The following OSBPL2 variants were observed in gnomAD, a reference collection of about 807,000 sequenced individuals.
The protein encoded by OSBPL2 is oxysterol-binding protein-related protein 2.
OSBPL2 carries 18 observed loss-of-function variants against 58.4 expected under a neutral mutation model. The observed-to-expected ratio is 0.31, with a 90% CI of 0.21 to 0.46. The LOEUF (loss-of-function observed/expected upper bound fraction) is 0.46, where lower values mean the gene tolerates loss of function less well. OSBPL2 is among the 20% of genes least tolerant of loss of function. The probability of loss-of-function intolerance (pLI) is 1.00; values close to 1 mark genes in which losing one functional copy is unlikely to be tolerated. For synonymous variants in OSBPL2, 221 were observed against 234.1 expected, an observed-to-expected ratio of 0.94 and a Z score of 0.51; for missense variants, 461 against 616.5, an observed-to-expected ratio of 0.75 and a Z score of 2.67.
intron 7 of OSBPL2, among the ~76,000 whole-genome samples, chr20:62,280,643 A>T (rs1170502809): frequency 6.6e-6 from 1 of 152,220 alleles, no homozygotes; most frequent in Non-Finnish European, 1.5e-5. Context: ...GGAAACAAGT[A>T]TGTGGAGTGC....
intron 3 of OSBPL2, 99 bp downstream of exon 3, chr20:62,260,224 G>A: frequency 2.5e-6 from 3 of 1,177,940 alleles, no homozygotes; most frequent in Non-Finnish European, 3.7e-6. Context: ...TTGAGCTGGA[G>A]TGGCACCCCC....
chr20:62,261,176 C>T (rs1006694110), intron 3 of OSBPL2, among the ~76,000 whole-genome samples: 3 of 151,948 alleles, frequency 2.0e-5, no homozygotes, highest in Admixed American at 6.6e-5. Context: ...ATTAGCTGGG[C>T]GTGGCTGTGC....
At position 62,295,840 on chromosome 20, in the gene OSBPL2, G is replaced by A. The variant is rs767019509; in HGVS notation, c.*1953G>A. 1.3e-5 allele frequency: 2 copies of A among 152,078 alleles called. No individual in the cohort carries two copies. The highest frequency in any genetic ancestry group is 2.9e-5 in the Non-Finnish European group (2 of 68,010). The allele number at this position is 152,078 out of a possible 1,614,324, so 9.4% of individuals were successfully genotyped here. On this transcript the variant is annotated 3_prime_UTR_variant, in exon 14 of 14. Transcript: ENST00000313733. The surrounding 1 kb of genome is among the most constrained non-coding windows in gnomAD (Gnocchi z 4.8). ...GTGACTGCATTTAGGGAGGTTTAAC[G>A]AGTTCTTACTGATCATTCCACTTGT...
intron 3 of OSBPL2, among the ~76,000 whole-genome samples, chr20:62,263,287 A>G (rs542544984): frequency 6.6e-6 from 1 of 152,328 alleles, no homozygotes; most frequent in South Asian, 2.1e-4. Context: ...AGGAGCCCCC[A>G]GAAGGCTGTG....
At chr20:62,246,761 C>T (rs1980145623) in intron 1 of OSBPL2, among the ~76,000 whole-genome samples, 1 of 152,208 alleles carries the variant, frequency 6.6e-6, no homozygotes, top group South Asian at 2.1e-4. Flanking sequence ...CATCTCACAC[C>T]AGGTTCTCCC....
At chr20:62,272,302 A>T in intron 5 of OSBPL2, 43 bp downstream of exon 5, 1 of 1,601,696 alleles carries the variant, frequency 6.2e-7, no homozygotes. Flanking sequence ...CATGAAAGTG[A>T]TGCCCCTTGC....
chr20:62,287,322 T>C lies in OSBPL2; in HGVS notation c.1125+611T>C, dbSNP rs188987687. Among the ~76,000 whole-genome samples, 51 of 152,180 alleles carry C rather than the reference T, an allele frequency of 3.4e-4. No homozygotes were observed. The South Asian group carries it at 5.2e-3, about 16-fold the overall frequency. On this transcript the variant is annotated intron_variant, in intron 11 of 13. Coordinates refer to ENST00000313733, the MANE Select transcript of OSBPL2 (RefSeq NM_144498.4). Reference sequence around the variant, plus strand: ...TTGTATATAAAATTTATGCAACTTATGCAATTTTGTACGTCCCATAAACAG... The same window carrying C: ...TTGTATATAAAATTTATGCAACTTACGCAATTTTGTACGTCCCATAAACAG...
chr20:62,243,412 G>A (rs1233691031), intron 1 of OSBPL2, among the ~76,000 whole-genome samples: 3 of 152,042 alleles, frequency 2.0e-5, no homozygotes, highest in African/African-American at 7.2e-5. Context: ...AGAGGTGCCC[G>A]AGGAGCCCTA....
intron 6 of OSBPL2, chr20:62,278,778 TTG>T: frequency 2.8e-5 from 6 of 213,920 alleles, no homozygotes; most frequent in South Asian, 6.4e-5. Flanking sequence ...GATGTCATGT[TTG>T]TGTGTGTGTT....
intron 13 of OSBPL2, among the ~76,000 whole-genome samples, chr20:62,292,087 G>T (rs956284365): frequency 5.3e-5 from 8 of 152,252 alleles, no homozygotes; most frequent in Non-Finnish European, 1.2e-4. Flanking sequence ...CCCGGCTGGG[G>T]GTGGCCTGTG....
intron 1 of OSBPL2, among the ~76,000 whole-genome samples, chr20:62,246,494 G>A (rs944883): frequency 0.44 from 67,006 of 152,070 alleles, 14,901 homozygotes; most frequent in African/African-American, 0.49. Context: ...GTGGCCAGCT[G>A]GGTGTCAGTG....
In OSBPL2 at chr20:62,263,682, T is replaced by G. The variant is rs1981466253; in HGVS notation, c.249T>G (p.Cys83Trp). 1 of 1,614,042 alleles carries G rather than the reference T, an allele frequency of 6.2e-7. No homozygotes were observed. ...GCGTGTGGACCATCCTGAAGAAGTG[T>G]GTTGGCCTGGTGAGTCCGGGGGCCC... is the stretch of plus-strand genomic sequence containing the variant. ...DFSVWTILKK[C>W]VGLELSKITM... The change falls in exon 4 of 14, where the codon TGT becomes TGG. Residue 83 changes from cysteine to tryptophan, a missense_variant. This residue lies in a region of OSBPL2 where 38 missense variants were observed against 74.2 expected (regional missense o/e 0.51). Coordinates refer to ENST00000313733, the MANE Select transcript of OSBPL2 (RefSeq NM_144498.4).
chr20:62,286,468 A>C (rs1295093815), intron 10 of OSBPL2, 115 bp from the exon 11 acceptor site: 3 of 1,181,586 alleles, frequency 2.5e-6, no homozygotes, highest in Non-Finnish European at 3.6e-6. Context: ...AAAAAGGAGA[A>C]GGCTGCCTGG....
chr20:62,292,454 G>T (rs2379130), intron 13 of OSBPL2, among the ~76,000 whole-genome samples: 1 of 151,816 alleles, frequency 6.6e-6, no homozygotes, highest in South Asian at 2.1e-4. Context: ...GGCATGGGCT[G>T]CGTGGGCCTC....
Position 62,251,865 on chromosome 20 carries a change from C to CTTTTTTTTTTTTTTTTTTTTTTTTTT in OSBPL2, c.-128-4186_-128-4161dup, listed in dbSNP as rs147891445. ...TCAAGCGTCATTTTAATTGGTATGC[C>CTTTTTTTTTTTTTTTTTTTTTTTTTT]TTTTTTTTTTTTTTTTTTTTTTTTT... On this transcript the variant is annotated intron_variant, in intron 1 of 13. Coordinates refer to ENST00000313733, the MANE Select transcript of OSBPL2 (RefSeq NM_144498.4). 4.8e-5 allele frequency among the ~76,000 whole-genome samples: 2 copies of CTTTTTTTTTTTTTTTTTTTTTTTTTT among 41,738 alleles called. 1 individual carries two copies. The highest frequency in any genetic ancestry group is 2.2e-4 in the African/African-American group (2 of 9,290). The allele number at this position is 41,738 out of a possible 152,430, so 27.4% of individuals were successfully genotyped here.
At position 62,269,058 on chromosome 20, in the gene OSBPL2, C is replaced by CAA. The variant is rs56127103; in HGVS notation, c.259-3054_259-3053dup. ...TAGGCGACAGTGTGAGACTCCAACT[C>CAA]AAAAAAAAAAAAAATGTTTTTTTGT... On this transcript the variant is annotated intron_variant, in intron 4 of 13. Transcript: ENST00000313733. This position sits in a 1 kb window ranked among gnomAD's most constrained non-coding sequence, Gnocchi z 4.2. Among the ~76,000 whole-genome samples, 1 of 135,830 alleles carries CAA rather than the reference C, an allele frequency of 7.4e-6. No homozygotes were observed. The highest frequency in any genetic ancestry group is 2.7e-5 in the African/African-American group (1 of 36,576). The allele number at this position is 135,830 out of a possible 152,430, so 89.1% of individuals were successfully genotyped here.
chr20:62,287,055 T>G (rs1425459687), intron 11 of OSBPL2, among the ~76,000 whole-genome samples: 1 of 152,272 alleles, frequency 6.6e-6, no homozygotes, highest in African/African-American at 2.4e-5. Context: ...CAGACAGACG[T>G]GGCCATTGCC....
chr20:62,272,080 G>A (rs779052497), intron 4 of OSBPL2, 45 bp from the exon 5 acceptor site: 1 of 1,609,910 alleles, frequency 6.2e-7, no homozygotes, highest in East Asian at 2.2e-5. Context: ...GCCCAGCGGT[G>A]TCAGGAAGGC....
chr20:62,268,673 C>T (rs1227721383), intron 4 of OSBPL2, among the ~76,000 whole-genome samples: 1 of 152,144 alleles, frequency 6.6e-6, no homozygotes, highest in Non-Finnish European at 1.5e-5. Flanking sequence ...GATCATGGCT[C>T]ATTGTAACCT....
Sources: allele counts gnomAD v4.1 joint callset (sites outside exome capture counted in the v4.1 genomes callset), GRCh38; gene constraint gnomAD v4.1.1; regional missense constraint gnomAD v4.1.1; non-coding constraint Gnocchi (gnomAD v3.1); transcripts MANE v1.5; gene names NCBI Gene and HGNC (gene_info 2026-07-23, HGNC 2026-07-21).